Variants in DMD observed in about 807,000 individuals in gnomAD.
DMD encodes the protein dystrophin.
DMD carries 63 observed loss-of-function variants against 330.1 expected under a neutral mutation model. The observed-to-expected ratio is 0.19, with a 90% confidence interval of 0.16 to 0.24. The LOEUF is 0.24. Ranked by LOEUF, DMD falls within the 10% of genes least tolerant of loss-of-function variation. The probability of loss-of-function intolerance (pLI) is 1.00; values close to 1 mark genes in which losing one functional copy is unlikely to be tolerated. For synonymous variants in DMD, 1,223 were observed against 959.8 expected (o/e 1.27, Z -5.07); for missense variants, 3,344 against 2,684.1 (o/e 1.25, Z -5.43).
At chrX:32,100,445 G>A (rs922123522) in intron 44 of DMD, among the ~76,000 whole-genome samples, 1 of 108,055 alleles carries the variant, frequency 9.3e-6, no homozygotes, top group Non-Finnish European at 1.9e-5. Flanking sequence ...TATCTCACAA[G>A]GAAGTTTAAA....
rs761814239 is a variant in DMD at position 32,573,491 on chromosome X, G to A, written c.1812+39C>T. 9 of 1,035,896 alleles carry A rather than the reference G, an allele frequency of 8.7e-6. No individual in the cohort carries two copies. The Admixed American group carries it at 2.0e-4, about 23-fold the overall frequency. The allele number at this position is 1,035,896 out of a possible 1,213,427, so 85.4% of individuals were successfully genotyped here. On this transcript the variant is annotated intron_variant, in intron 15 of 78. Transcript: ENST00000357033. Reference sequence around the variant, plus strand: ...AATAATAGTGATAATATACAGTACTGGGTTTTTATAAGACCATTGAAAGCT... The same window carrying A: ...AATAATAGTGATAATATACAGTACTAGGTTTTTATAAGACCATTGAAAGCT...
chrX:31,474,146 T>C (rs2067547445), intron 59 of DMD, among the ~76,000 whole-genome samples: 1 of 111,858 alleles, frequency 8.9e-6, no homozygotes, highest in South Asian at 3.7e-4. Flanking sequence ...CATTTATTAA[T>C]TTACCATGTT....
chrX:32,753,497 CA>C (rs1235796743), intron 7 of DMD, among the ~76,000 whole-genome samples: 2 of 111,623 alleles, frequency 1.8e-5, no homozygotes, highest in Non-Finnish European at 3.8e-5. Flanking sequence ...TTGACCACCA[CA>C]AACCCTCTGC....
intron 57 of DMD, among the ~76,000 whole-genome samples, chrX:31,495,037 A>G (rs965736715): frequency 1.8e-5 from 2 of 111,916 alleles, no homozygotes; most frequent in African/African-American, 6.5e-5. Flanking sequence ...AAGTCAGAAC[A>G]TTTAAAACAC....
rs778582406 is a variant in DMD at position 32,573,909 on chromosome X, T to C, written c.1603-63A>G. On this transcript the variant is annotated intron_variant, in intron 13 of 78. Coordinates refer to ENST00000357033, the MANE Select transcript of DMD (RefSeq NM_004006.3). ...ATTGGTAACTACGTTTTATTAAAAA[T>C]GGCATGAATAATTTGCCAAAGTATC... 5.0e-6 allele frequency: 5 copies of C among 1,004,590 alleles called. No homozygotes were observed. The African/African-American group carries it at 7.5e-5, about 15-fold the overall frequency. 82.8% of individuals were successfully genotyped at this position (1,004,590 alleles called of 1,213,427 possible).
At position 32,438,399 on chromosome X, in the gene DMD, C is replaced by T; in HGVS notation, c.3922-9G>A. On this transcript the variant is annotated splice_polypyrimidine_tract_variant and intron_variant, in intron 28 of 78. Transcript: ENST00000357033. ...ATCAAATTTTCAAGTGACTGAAACA[C>T]ATTTGCAATAATTACTATTTCTCCT... 8.3e-7 allele frequency: 1 copy of T among 1,209,775 alleles called. No individual in the cohort carries two copies. Among genetic ancestry groups the T allele is most frequent in the Non-Finnish European group, 1.1e-6 (1 of 893,875 alleles).
At chrX:32,526,401 A>G (rs1376904117) in intron 17 of DMD, among the ~76,000 whole-genome samples, 1 of 111,354 alleles carries the variant, frequency 9.0e-6, no homozygotes, top group Non-Finnish European at 1.9e-5. Context: ...AAGTCCCATC[A>G]TACAGGGCAA....
intron 17 of DMD, among the ~76,000 whole-genome samples, chrX:32,540,442 T>G (rs2048384397): frequency 9.0e-6 from 1 of 111,725 alleles, no homozygotes; most frequent in Non-Finnish European, 1.9e-5. Flanking sequence ...CCCTTAATTG[T>G]TTTGGGTAAA....
At chrX:31,221,854 G>A (rs948395206) in intron 64 of DMD, among the ~76,000 whole-genome samples, 7 of 111,110 alleles carry the variant, frequency 6.3e-5, no homozygotes, top group Admixed American at 9.5e-5. Context: ...TCAGGAGTTC[G>A]AGACCAGCCT....
intron 76 of DMD, among the ~76,000 whole-genome samples, chrX:31,140,469 C>G (rs2035903086): frequency 8.9e-6 from 1 of 112,101 alleles, no homozygotes; most frequent in Admixed American, 9.5e-5. Context: ...TATTTCCTGC[C>G]TTTCTCCAGT....
rs1001539771 is a variant in DMD, at chrX:33,000,482, G to T, written c.93+19657C>A. ...GCAATTAAGTTTAGCCATATAACTG[G>T]GTTCTGACCCATGGGATGTTGGTGG... On this transcript the variant is annotated intron_variant, in intron 2 of 78. Coordinates refer to ENST00000357033, the MANE Select transcript of DMD (RefSeq NM_004006.3). 3.2e-4 allele frequency among the ~76,000 whole-genome samples: 36 copies of T among 111,887 alleles called. 1 individual carries two copies. Among genetic ancestry groups the T allele is most frequent in the Admixed American group, 8.6e-4 (9 of 10,524 alleles).
intron 29 of DMD, among the ~76,000 whole-genome samples, chrX:32,419,286 T>C (rs1238119615): frequency 1.8e-5 from 2 of 112,130 alleles, no homozygotes; most frequent in Non-Finnish European, 3.8e-5. Flanking sequence ...CCAATGCTCA[T>C]AGCTCATCAC....
intron 7 of DMD, among the ~76,000 whole-genome samples, chrX:32,724,050 C>T (rs953369078): frequency 9.0e-6 from 1 of 111,588 alleles, no homozygotes; most frequent in Non-Finnish European, 1.9e-5. Flanking sequence ...ATAATTAGCA[C>T]ATATTGTTGT....
intron 7 of DMD, among the ~76,000 whole-genome samples, chrX:32,794,968 C>T (rs1464494348): frequency 8.9e-6 from 1 of 111,906 alleles, no homozygotes; most frequent in Admixed American, 9.5e-5. Context: ...AGGGAAAGGT[C>T]CGTATAAAAT....
chrX:33,236,806 C>T (rs1337754677), intron 1 of DMD, among the ~76,000 whole-genome samples: 3 of 111,227 alleles, frequency 2.7e-5, no homozygotes, highest in Non-Finnish European at 5.7e-5. Context: ...AGCAAAAACT[C>T]CCAAATGGTG....
chrX:33,324,157 A>C (rs1474143163), intron 1 of DMD, among the ~76,000 whole-genome samples: 1 of 111,730 alleles, frequency 9.0e-6, no homozygotes, highest in African/African-American at 3.3e-5. Context: ...GACCCTGAGC[A>C]AATTATTTGA....
At chrX:32,713,091 TATC>T (rs1043007005) in intron 7 of DMD, among the ~76,000 whole-genome samples, 2 of 111,964 alleles carry the variant, frequency 1.8e-5, no homozygotes, top group African/African-American at 6.5e-5. Context: ...ATTATTTCTC[TATC>T]ATGTCATACT....
At chrX:31,692,587 T>G (rs1351853688) in intron 52 of DMD, among the ~76,000 whole-genome samples, 1 of 111,643 alleles carries the variant, frequency 9.0e-6, no homozygotes, top group Non-Finnish European at 1.9e-5. Flanking sequence ...GAAGACATTA[T>G]GACTGATAAC....
intron 48 of DMD, among the ~76,000 whole-genome samples, chrX:31,846,405 G>A (rs1179171361): frequency 2.9e-5 from 3 of 104,059 alleles, no homozygotes; most frequent in Admixed American, 1.1e-4. Flanking sequence ...ACAAATGAAT[G>A]GGAACGTTTG....
Sources: gnomAD v4.1 joint callset for allele counts (sites outside exome capture counted in the v4.1 genomes callset) on GRCh38, gnomAD v4.1.1 for gene constraint, MANE v1.5 for transcripts, NCBI Gene and HGNC (gene_info 2026-07-23, HGNC 2026-07-21) for gene names.